The following STK38L variants were observed in gnomAD, a reference collection of about 807,000 sequenced individuals.
STK38L encodes serine/threonine-protein kinase 38-like.
In STK38L, 28 loss-of-function variants were observed where a neutral mutation model predicts 59.7. The ratio of observed to expected loss-of-function variants is 0.47; its 90% CI spans 0.35 to 0.64. The LOEUF is 0.64. STK38L is among the 30% of genes least tolerant of loss of function. STK38L has a pLI of 0.01. For missense variants in STK38L, 314 were observed against 555.8 expected, an observed-to-expected ratio of 0.56 and a Z score of 4.37; for synonymous variants, 162 against 176.8, an observed-to-expected ratio of 0.92 and a Z score of 0.66.
At chr12:27,281,717 C>T (rs1201850622) in intron 1 of STK38L, among the ~76,000 whole-genome samples, 3 of 152,080 alleles carry the variant, frequency 2.0e-5, no homozygotes, top group Non-Finnish European at 2.9e-5. Context: ...TAATCATGAT[C>T]TAAGCTGGGA....
intron 10 of STK38L, 155 bp from the exon 11 acceptor site, chr12:27,317,741 A>G: frequency 1.1e-6 from 1 of 931,602 alleles, no homozygotes; most frequent in African/African-American, 1.7e-5. Flanking sequence ...TATTGACTTT[A>G]TTAGCAACGT....
chr12:27,308,222 GTA>G lies in STK38L; in HGVS notation c.187-113_187-112del, dbSNP rs1287388545. The G allele has an allele frequency of 3.1e-6, 3 of 970,938 alleles. No homozygotes were observed. The African/African-American group carries it at 5.1e-5, about 17-fold the overall frequency. 60.1% of individuals were successfully genotyped at this position (970,938 alleles called of 1,614,324 possible). A position where few individuals can be genotyped will look rare whatever the true frequency, so the allele number is the denominator to read the frequency against. ...TTCTTTAAATTGTTTTAGCCTAATA[GTA>G]TATTACATATTAGTGCTATCATTTA... On this transcript the variant is annotated intron_variant, in intron 3 of 13. Transcript: ENST00000389032. The surrounding 1 kb of genome is among the most constrained non-coding windows in gnomAD (Gnocchi z 4.5).
At chr12:27,252,294 G>T (rs959760291) in intron 1 of STK38L, among the ~76,000 whole-genome samples, 1 of 152,190 alleles carries the variant, frequency 6.6e-6, no homozygotes, top group South Asian at 2.1e-4. Context: ...AAGCACTTTT[G>T]TAGAAAATTG....
intron 1 of STK38L, among the ~76,000 whole-genome samples, chr12:27,281,454 A>T (rs1943656614): frequency 6.6e-6 from 1 of 152,208 alleles, no homozygotes; most frequent in Admixed American, 6.5e-5. Flanking sequence ...ACAGCTCTAG[A>T]GTGAACAGGG....
intron 3 of STK38L, chr12:27,302,488 A>C (rs1445536469): frequency 9.7e-6 from 2 of 205,756 alleles, no homozygotes; most frequent in Non-Finnish European, 9.6e-6. Flanking sequence ...ATTTTTTCTA[A>C]ATATTCTTTT....
chr12:27,318,358 C>A (rs1944638376), intron 11 of STK38L, among the ~76,000 whole-genome samples: 1 of 152,122 alleles, frequency 6.6e-6, no homozygotes, highest in African/African-American at 2.4e-5. Flanking sequence ...TATGTAAAAT[C>A]TTCTAAGCAA....
chr12:27,246,877 C>G (rs894870747), intron 1 of STK38L, among the ~76,000 whole-genome samples: 1 of 152,066 alleles, frequency 6.6e-6, no homozygotes, highest in Non-Finnish European at 1.5e-5. Context: ...TCTGTACACT[C>G]GGACGAACTG....
rs949380966 is a variant in STK38L at position 27,324,771 on chromosome 12, C to T, written c.*2316C>T. 1 of 151,968 alleles carries T rather than the reference C, an allele frequency of 6.6e-6. No individual in the cohort carries two copies. Among genetic ancestry groups the T allele is most frequent in the Non-Finnish European group, 1.5e-5 (1 of 67,942 alleles). 9.4% of individuals were successfully genotyped at this position (151,968 alleles called of 1,614,324 possible). ...TAAAAGCAATTAAAGACTGTGTCTG[C>T]CCTTTAGAAGCTAAGAATTTGATTC... is the stretch of plus-strand genomic sequence containing the variant. On this transcript the variant is annotated 3_prime_UTR_variant, in exon 14 of 14. Transcript: ENST00000389032.
chr12:27,318,162 G>A, intron 11 of STK38L, 143 bp downstream of exon 11: 1 of 1,072,404 alleles, frequency 9.3e-7, no homozygotes, highest in South Asian at 1.6e-5. Flanking sequence ...TTTTAAAAAT[G>A]TAAACTCTTA....
At chr12:27,309,001 A>T (rs933949408) in intron 4 of STK38L, 113 bp from the exon 5 acceptor site, 31 of 231,624 alleles carry the variant, frequency 1.3e-4, no homozygotes, top group East Asian at 4.8e-4. Flanking sequence ...TATATATATA[A>T]AATTCCTGAA....
chr12:27,277,364 C>CAT (rs1440898114), intron 1 of STK38L, among the ~76,000 whole-genome samples: 1 of 148,442 alleles, frequency 6.7e-6, no homozygotes, highest in African/African-American at 2.5e-5. Flanking sequence ...AACACACACA[C>CAT]ACACAGCAGT....
chr12:27,324,985 T>G lies in STK38L; in HGVS notation c.*2530T>G, dbSNP rs1944807972. On this transcript the variant is annotated 3_prime_UTR_variant, in exon 14 of 14. Coordinates refer to ENST00000389032, the MANE Select transcript of STK38L (RefSeq NM_015000.4). Reference sequence around the variant, plus strand: ...TAAAAGAGTTTTATTATAAACCGTGTGTTTTTGGTTTTTCTAAGTATATAG... The same window carrying G: ...TAAAAGAGTTTTATTATAAACCGTGGGTTTTTGGTTTTTCTAAGTATATAG... The G allele has an allele frequency of 6.6e-6, 1 of 152,146 alleles. No individual in the cohort carries two copies. The highest frequency in any genetic ancestry group is 2.4e-5 in the African/African-American group (1 of 41,468). The allele number at this position is 152,146 out of a possible 1,614,324, so 9.4% of individuals were successfully genotyped here.
intron 1 of STK38L, among the ~76,000 whole-genome samples, chr12:27,273,500 T>C (rs376482631): frequency 1.1e-4 from 16 of 152,068 alleles, no homozygotes; most frequent in East Asian, 5.9e-4. Context: ...TTAGGGCTAA[T>C]GTGAGGATCA....
chr12:27,320,524 T>G (rs1412252179), intron 12 of STK38L, among the ~76,000 whole-genome samples: 1 of 142,800 alleles, frequency 7.0e-6, no homozygotes, highest in Non-Finnish European at 1.5e-5. Context: ...ACTCCTGAGC[T>G]CAAGCGATCC....
intron 1 of STK38L, among the ~76,000 whole-genome samples, chr12:27,288,898 T>C (rs969504989): frequency 1.3e-5 from 2 of 151,276 alleles, no homozygotes; most frequent in African/African-American, 4.9e-5. Context: ...TTCTCTTTTA[T>C]ATCAATCAAG....
At chr12:27,307,876 C>A (rs534386200) in intron 3 of STK38L, among the ~76,000 whole-genome samples, 39 of 152,260 alleles carry the variant, frequency 2.6e-4, no homozygotes, top group African/African-American at 9.1e-4. Context: ...AGAGTAAATT[C>A]TACCACAAGT....
chr12:27,317,991 T>C lies in STK38L; in HGVS notation c.1051T>C (p.Ser351Pro). ...TLVFPPEVPI[S>P]EKAKDLILRF... ...GGTATTTCCTCCAGAGGTACCTATATCTGAGAAAGCCAAGGACTTAATTCT... is the reference window on the plus strand; with the variant it reads ...GGTATTTCCTCCAGAGGTACCTATACCTGAGAAAGCCAAGGACTTAATTCT... The change falls in exon 11 of 14, where the codon TCT (serine) becomes CCT (proline). Residue 351 changes from serine to proline, a missense_variant. Ser to Pro is a moderately conservative substitution (Grantham distance 74). Around this residue, in one of 3 missense-constraint regions of STK38L, gnomAD observed 94 missense variants for 142.2 expected, o/e 0.66. Transcript: ENST00000389032. The C allele has an allele frequency of 1.2e-6, 2 of 1,614,028 alleles. No individual in the cohort carries two copies. Among genetic ancestry groups the C allele is most frequent in the Non-Finnish European group, 1.7e-6 (2 of 1,179,938 alleles).
intron 12 of STK38L, among the ~76,000 whole-genome samples, chr12:27,319,680 G>T (rs2136653021): frequency 6.6e-6 from 1 of 152,296 alleles, no homozygotes; most frequent in South Asian, 2.1e-4. Context: ...CACAGTGAAG[G>T]CTGTTAGCAC....
chr12:27,285,732 T>C (rs1160186527), intron 1 of STK38L, among the ~76,000 whole-genome samples: 2 of 152,184 alleles, frequency 1.3e-5, no homozygotes, highest in Non-Finnish European at 2.9e-5. Context: ...ATGTTTTGAA[T>C]CAGGCATTAT....
Sources: allele counts gnomAD v4.1 joint callset (sites outside exome capture counted in the v4.1 genomes callset), GRCh38; gene constraint gnomAD v4.1.1; regional missense constraint gnomAD v4.1.1; non-coding constraint Gnocchi (gnomAD v3.1); transcripts MANE v1.5; gene names NCBI Gene and HGNC (gene_info 2026-07-23, HGNC 2026-07-21).